The following DPYD variants were observed in gnomAD, a reference collection of about 807,000 sequenced individuals.
DPYD encodes the protein dihydropyrimidine dehydrogenase.
Under a neutral mutation model 116.2 loss-of-function variants are expected in DPYD, and 109 were observed. The observed-to-expected ratio is 0.94, with a 90% CI of 0.80 to 1.10. DPYD has a LOEUF of 1.10. DPYD is among the 50% of genes least tolerant of loss of function. The pLI, the probability that DPYD is intolerant of heterozygous loss-of-function variation, is 0.00. For missense variants in DPYD, 1,302 were observed against 1,254.5 expected (o/e 1.04, Z -0.57); for synonymous variants, 440 against 432.0 (o/e 1.02, Z -0.23).
chr1:97,605,856 C>T (rs1354768986), intron 8 of DPYD, among the ~76,000 whole-genome samples: 1 of 151,958 alleles, frequency 6.6e-6, no homozygotes, highest in Non-Finnish European at 1.5e-5. Context: ...TTTTCATATG[C>T]ATACCTTTCT....
At chr1:97,602,279 T>C (rs1489822628) in intron 8 of DPYD, among the ~76,000 whole-genome samples, 1 of 152,034 alleles carries the variant, frequency 6.6e-6, no homozygotes, top group Non-Finnish European at 1.5e-5. Flanking sequence ...AGTATTTCAA[T>C]TGGCTTCTAT....
chr1:97,277,458 G>A (rs1007291135), intron 18 of DPYD, among the ~76,000 whole-genome samples: 2 of 151,606 alleles, frequency 1.3e-5, no homozygotes, highest in Non-Finnish European at 2.9e-5. Context: ...ATGAACTATT[G>A]ATCCTCCTCC....
intron 18 of DPYD, among the ~76,000 whole-genome samples, chr1:97,240,486 C>T (rs766840392): frequency 6.6e-5 from 10 of 151,968 alleles, no homozygotes; most frequent in Non-Finnish European, 1.2e-4. Context: ...GACTGTTACA[C>T]AATTAATTGT....
intron 3 of DPYD, among the ~76,000 whole-genome samples, chr1:97,756,122 A>G (rs1665215755): frequency 1.3e-5 from 2 of 152,202 alleles, no homozygotes; most frequent in African/African-American, 4.8e-5. Context: ...TCCCAAGCCA[A>G]CCAAGGGGGA....
At chr1:97,091,686 G>C (rs1471103156) in intron 21 of DPYD, among the ~76,000 whole-genome samples, 1 of 152,138 alleles carries the variant, frequency 6.6e-6, no homozygotes. Context: ...GAATAGAGCT[G>C]TGCTGTGTAT....
intron 18 of DPYD, among the ~76,000 whole-genome samples, chr1:97,275,025 C>T (rs1023751040): frequency 1.3e-4 from 19 of 151,988 alleles, no homozygotes; most frequent in Admixed American, 1.2e-3. Context: ...GGTAGAAATG[C>T]CTCTGTGTCT....
chr1:97,777,174 T>C (rs1666456225), intron 3 of DPYD, among the ~76,000 whole-genome samples: 1 of 152,178 alleles, frequency 6.6e-6, no homozygotes, highest in South Asian at 2.1e-4. Flanking sequence ...ATTTTAAATG[T>C]TTCGCTTTTT....
At chr1:97,805,520 T>C (rs1668038309) in intron 3 of DPYD, among the ~76,000 whole-genome samples, 1 of 151,804 alleles carries the variant, frequency 6.6e-6, no homozygotes, top group African/African-American at 2.4e-5. Context: ...ATCCATGACT[T>C]TGATTACCAA....
intron 8 of DPYD, among the ~76,000 whole-genome samples, chr1:97,624,731 A>G (rs905508579): frequency 3.9e-5 from 6 of 152,074 alleles, no homozygotes; most frequent in Non-Finnish European, 8.8e-5. Flanking sequence ...CTATCAACAG[A>G]TAAATGGATA....
intron 19 of DPYD, among the ~76,000 whole-genome samples, chr1:97,218,173 T>C (rs775662469): frequency 3.9e-5 from 6 of 152,136 alleles, no homozygotes; most frequent in Non-Finnish European, 5.9e-5. Flanking sequence ...CTGAGATTTT[T>C]GAAAAATGTT....
At chr1:97,871,809 T>C (rs1292024772) in intron 2 of DPYD, among the ~76,000 whole-genome samples, 1 of 151,810 alleles carries the variant, frequency 6.6e-6, no homozygotes, top group Non-Finnish European at 1.5e-5. Context: ...ATATACATTG[T>C]TCTCTATCCA....
chr1:97,596,164 G>A (rs775650785), intron 8 of DPYD, among the ~76,000 whole-genome samples: 5 of 151,942 alleles, frequency 3.3e-5, no homozygotes, highest in South Asian at 2.1e-4. Flanking sequence ...ACAACAGAAC[G>A]AATATTTGAG....
At chr1:97,353,981 TTGCCGTGTGACCC>T (rs1558049986) in intron 16 of DPYD, among the ~76,000 whole-genome samples, 1 of 152,236 alleles carries the variant, frequency 6.6e-6, no homozygotes, top group Non-Finnish European at 1.5e-5. Flanking sequence ...GGCCACTGAC[TTGCCGTGTGACCC>T]TGCCATGTTA....
At chr1:97,336,146 T>C (rs991994564) in intron 16 of DPYD, among the ~76,000 whole-genome samples, 2 of 152,294 alleles carry the variant, frequency 1.3e-5, no homozygotes, top group South Asian at 4.1e-4. Context: ...TCAATAATAG[T>C]GCATAATTCA....
intron 16 of DPYD, among the ~76,000 whole-genome samples, chr1:97,366,571 T>C (rs945138205): frequency 2.6e-5 from 4 of 152,178 alleles, no homozygotes; most frequent in South Asian, 2.1e-4. Context: ...AGTCAAATCA[T>C]AGACCTGGAG....
intron 19 of DPYD, among the ~76,000 whole-genome samples, chr1:97,232,298 G>A (rs186251821): frequency 1.3e-4 from 20 of 152,210 alleles, no homozygotes; most frequent in Non-Finnish European, 2.6e-4. Context: ...TAAGTAAGGT[G>A]TCATCTTCCT....
At chr1:97,316,098 T>TC (rs1407814579) in intron 16 of DPYD, among the ~76,000 whole-genome samples, 9 of 151,986 alleles carry the variant, frequency 5.9e-5, no homozygotes, top group Admixed American at 1.3e-4. Flanking sequence ...GACAAAATTA[T>TC]CCATCAAGGG....
chr1:97,604,422 T>C (rs1172866503), intron 8 of DPYD, among the ~76,000 whole-genome samples: 1 of 152,132 alleles, frequency 6.6e-6, no homozygotes, highest in East Asian at 1.9e-4. Flanking sequence ...CGTGCTACCA[T>C]ATAATTATTT....
chr1:97,270,210 T>C (rs1252690726), intron 18 of DPYD, among the ~76,000 whole-genome samples: 1 of 151,966 alleles, frequency 6.6e-6, no homozygotes, highest in Non-Finnish European at 1.5e-5. Flanking sequence ...CCATTAGGAG[T>C]CTAAATTCAT....
Sources: allele counts gnomAD v4.1 joint callset (sites outside exome capture counted in the v4.1 genomes callset), GRCh38; gene constraint gnomAD v4.1.1; transcripts MANE v1.5; gene names NCBI Gene and HGNC (gene_info 2026-07-23, HGNC 2026-07-21).